Variants in TP73 observed in about 807,000 individuals in gnomAD.
The protein encoded by TP73 is tumor protein p73, also known as p53-like transcription factor.
TP73 carries 25 observed loss-of-function variants against 62.5 expected under a neutral mutation model. The ratio of observed to expected loss-of-function variants is 0.40; its 90% CI spans 0.29 to 0.56. The LOEUF is 0.56. Ranked by LOEUF, TP73 falls within the 20% of genes least tolerant of loss-of-function variation. TP73 has a pLI of 0.46. For synonymous variants in TP73, 423 were observed against 377.5 expected (o/e 1.12, Z -1.40); for missense variants, 754 against 913.3 (o/e 0.83, Z 2.25).
At chr1:3,711,517 G>A (rs1273333081) in intron 4 of TP73, among the ~76,000 whole-genome samples, 2 of 152,242 alleles carry the variant, frequency 1.3e-5, no homozygotes, top group Non-Finnish European at 2.9e-5. Context: ...CGGCTCAGCC[G>A]TTCTGCCCCC....
rs562852604 is a variant in TP73 at position 3,729,335 on chromosome 1, C to T, written c.1083C>T (p.Gly361=). 2 of 1,613,138 alleles carry T rather than the reference C, an allele frequency of 1.2e-6. No individual in the cohort carries two copies. Among genetic ancestry groups the T allele is most frequent in the Non-Finnish European group, 1.7e-6 (2 of 1,179,980 alleles). ...TGCTCCTCTGTGCTCAGGTGCGAGG[C>T]CGGGAGAACTTTGAGATCCTGATGA... ...DEDTYYLQVR[G]RENFEILMKL... is the part of the protein sequence containing the mutation. Residue 361 remains glycine, a synonymous_variant, in exon 10 of 14, where the codon GGC becomes GGT. Transcript: ENST00000378295.
intron 3 of TP73, among the ~76,000 whole-genome samples, chr1:3,706,230 T>A (rs542069673): frequency 6.6e-6 from 1 of 152,316 alleles, no homozygotes; most frequent in East Asian, 1.9e-4. Flanking sequence ...TGCCGTCTGC[T>A]GGGGCCGCTA....
chr1:3,727,593 T>C (rs1168937095), intron 7 of TP73, 35 bp from the exon 8 acceptor site: 2 of 1,580,588 alleles, frequency 1.3e-6, no homozygotes, highest in African/African-American at 2.7e-5. Context: ...GTGGGCAGGG[T>C]TGAGCTCACA....
Position 3,666,926 on chromosome 1 carries a change from T to C in TP73, c.-34+14285T>C, listed in dbSNP as rs1474363772. Among the ~76,000 whole-genome samples, 1 of 152,114 alleles carries C rather than the reference T, an allele frequency of 6.6e-6. No individual in the cohort carries two copies. Among genetic ancestry groups the C allele is most frequent in the Non-Finnish European group, 1.5e-5 (1 of 68,024 alleles). The stretch of plus-strand genomic sequence containing the variant: ...TTCACGTCCCAATCCCCAGAACCCG[T>C]GTCTATGTTATTTCCCATGGCAAAG... On this transcript the variant is annotated intron_variant, in intron 1 of 13. Transcript: ENST00000378295. This position sits in a 1 kb window ranked among gnomAD's most constrained non-coding sequence, Gnocchi z 6.4.
intron 1 of TP73, among the ~76,000 whole-genome samples, chr1:3,656,698 G>A (rs1288960160): frequency 6.6e-6 from 1 of 152,238 alleles, no homozygotes; most frequent in African/African-American, 2.4e-5. Flanking sequence ...GTCTGCCGTT[G>A]GCTCAGACAC....
At chr1:3,721,170 A>G (rs370112960) in intron 4 of TP73, among the ~76,000 whole-genome samples, 34 of 152,332 alleles carry the variant, frequency 2.2e-4, no homozygotes, top group African/African-American at 7.5e-4. Context: ...TTTAGAACTC[A>G]TGAGAGCCGG....
chr1:3,732,189 C>A (rs1026612484), intron 13 of TP73, among the ~76,000 whole-genome samples: 2 of 152,216 alleles, frequency 1.3e-5, no homozygotes, highest in African/African-American at 4.8e-5. Flanking sequence ...AAGGCCCGTC[C>A]CAGACCATCC....
chr1:3,725,350 A>C (rs1172459223), intron 6 of TP73, among the ~76,000 whole-genome samples: 1 of 134,266 alleles, frequency 7.4e-6, no homozygotes, highest in Non-Finnish European at 1.6e-5. Flanking sequence ...GATCTTCATG[A>C]ATGGGTGGCT....
Position 3,662,992 on chromosome 1 carries a change from G to C in TP73, c.-34+10351G>C, listed in dbSNP as rs1371090393. Among the ~76,000 whole-genome samples the C allele has an allele frequency of 6.6e-6, 1 of 152,272 alleles. No individual in the cohort carries two copies. Among genetic ancestry groups the C allele is most frequent in the Non-Finnish European group, 1.5e-5 (1 of 68,046 alleles). ...CTTTGGGCACTGGCATGAGTAATCT[G>C]AGGGCGGCGCTTTCCTCACTGCAGT... On this transcript the variant is annotated intron_variant, in intron 1 of 13. Coordinates refer to ENST00000378295, the MANE Select transcript of TP73 (RefSeq NM_005427.4). This position sits in a 1 kb window ranked among gnomAD's most constrained non-coding sequence, Gnocchi z 4.4.
intron 9 of TP73, among the ~76,000 whole-genome samples, chr1:3,729,080 T>G (rs1641917142): frequency 6.6e-6 from 1 of 152,146 alleles, no homozygotes; most frequent in South Asian, 2.1e-4. Flanking sequence ...AGAGGGAGGC[T>G]TGGGGGCCAC....
chr1:3,728,501 G>T (rs1209057950), intron 9 of TP73, among the ~76,000 whole-genome samples: 2 of 152,236 alleles, frequency 1.3e-5, no homozygotes, highest in Non-Finnish European at 2.9e-5. Context: ...GTGGTGCGGA[G>T]TGCCACCAGG....
chr1:3,707,518 T>TC (rs1161696642), intron 3 of TP73, 31 bp from the exon 4 acceptor site: 2 of 1,590,534 alleles, frequency 1.3e-6, no homozygotes, highest in South Asian at 1.1e-5. Context: ...TGTGTGTGTT[T>TC]CCCCCTCCCT....
chr1:3,707,491 G>T, intron 3 of TP73, 58 bp from the exon 4 acceptor site: 1 of 1,566,076 alleles, frequency 6.4e-7, no homozygotes, highest in South Asian at 1.2e-5. Context: ...CCTCCTAGAC[G>T]GGACAGGACG....
rs1325015283 is a variant in TP73 at position 3,735,926 on chromosome 1, G to C, written c.*2847G>C. On this transcript the variant is annotated 3_prime_UTR_variant, in exon 14 of 14. Transcript: ENST00000378295. ...GCCCGACCCGCAGTATCCTGGCACA[G>C]AGCCACTTGTCACTCAGAACAGTCA... 1.3e-5 allele frequency: 2 copies of C among 152,216 alleles called. No homozygotes were observed. Among genetic ancestry groups the C allele is most frequent in the Non-Finnish European group, 2.9e-5 (2 of 68,042 alleles). 9.4% of individuals were successfully genotyped at this position (152,216 alleles called of 1,614,324 possible).
At chr1:3,714,674 C>T (rs79514469) in intron 4 of TP73, among the ~76,000 whole-genome samples, 2,015 of 152,380 alleles carry the variant, frequency 0.013, 40 homozygotes, top group African/African-American at 0.045. Flanking sequence ...AAGCAAGTTG[C>T]GGGCAGAGGA....
At chr1:3,685,637 C>T (rs968882052) in intron 3 of TP73, among the ~76,000 whole-genome samples, 7 of 152,224 alleles carry the variant, frequency 4.6e-5, no homozygotes, top group African/African-American at 1.7e-4. Context: ...CTCCGAAGGG[C>T]GCCAACGGGT....
At chr1:3,656,233 C>G (rs531788326) in intron 1 of TP73, among the ~76,000 whole-genome samples, 1 of 152,082 alleles carries the variant, frequency 6.6e-6, no homozygotes, top group African/African-American at 2.4e-5. Context: ...ACAGCTTATA[C>G]CAAAGTGGGC....
Sources: allele counts gnomAD v4.1 joint callset (sites outside exome capture counted in the v4.1 genomes callset), GRCh38; gene constraint gnomAD v4.1.1; non-coding constraint Gnocchi (gnomAD v3.1); transcripts MANE v1.5; gene names NCBI Gene and HGNC (gene_info 2026-07-23, HGNC 2026-07-21).